The following PDE6A variants were observed in gnomAD, a reference collection of about 807,000 sequenced individuals.
PDE6A encodes phosphodiesterase 6A.
Under a neutral mutation model 106.3 loss-of-function variants are expected in PDE6A, and 84 were observed. That is an observed-to-expected ratio of 0.79 (90% confidence interval 0.66 to 0.95). PDE6A has a LOEUF of 0.95. Among genes scored for constraint, PDE6A ranks in the 40% least tolerant of loss-of-function variants. PDE6A has a pLI of 0.00. For missense variants in PDE6A, 1,052 were observed against 1,084.9 expected, an observed-to-expected ratio of 0.97 and a Z score of 0.43; for synonymous variants, 394 against 386.6, an observed-to-expected ratio of 1.02 and a Z score of -0.23.
At chr5:149,899,255 G>A in intron 9 of PDE6A, 120 bp downstream of exon 9, 2 of 916,952 alleles carry the variant, frequency 2.2e-6, no homozygotes, top group Non-Finnish European at 3.6e-6. Context: ...TGGTTGATGA[G>A]GCAGAGTCAG....
intron 17 of PDE6A, among the ~76,000 whole-genome samples, chr5:149,873,578 C>A (rs566297581): frequency 6.6e-6 from 1 of 152,102 alleles, no homozygotes; most frequent in African/African-American, 2.4e-5. Flanking sequence ...GTGATCCGCC[C>A]GCCTTGGCCT....
rs2113628643 is a variant in PDE6A, at chr5:149,915,005, T to A, written c.936A>T (p.Glu312Asp). The A allele has an allele frequency of 6.3e-7, 1 of 1,585,052 alleles. No homozygotes were observed. Among genetic ancestry groups the A allele is most frequent in the Non-Finnish European group, 8.7e-7 (1 of 1,155,302 alleles). The stretch of plus-strand genomic sequence containing the variant: ...AGTCAATGACCTTGTAAAAGTTAAT[T>A]TCCTGGCAAAAGAGAGAAAAATTAT... ...YSGPRTPDGR[E>D]INFYKVIDYI... Residue 312 changes from glutamate to aspartate, a missense_variant and splice_region_variant, in exon 6 of 22, where the codon GAA becomes GAT. Coordinates refer to ENST00000255266, the MANE Select transcript of PDE6A (RefSeq NM_000440.3).
intron 1 of PDE6A, 39 bp downstream of exon 1, chr5:149,944,161 T>C: frequency 3.3e-6 from 5 of 1,536,128 alleles, no homozygotes; most frequent in Non-Finnish European, 4.5e-6. Flanking sequence ...CTCCATGTAA[T>C]AATGCCCCAT....
intron 17 of PDE6A, among the ~76,000 whole-genome samples, chr5:149,873,332 C>CTTTT (rs527562371): frequency 1.5e-5 from 2 of 137,298 alleles, no homozygotes; most frequent in South Asian, 2.4e-4. Flanking sequence ...ATGAGATACT[C>CTTTT]TTTTTTTTTT....
intron 7 of PDE6A, 95 bp downstream of exon 7, chr5:149,907,217 C>A (rs1753225446): frequency 1.0e-6 from 1 of 956,924 alleles, no homozygotes; most frequent in Admixed American, 1.7e-5. Flanking sequence ...TCCACACTTG[C>A]CATCATCTTT....
chr5:149,875,564 G>A (rs992498485), intron 17 of PDE6A, among the ~76,000 whole-genome samples: 2 of 149,210 alleles, frequency 1.3e-5, no homozygotes, highest in African/African-American at 2.5e-5. Flanking sequence ...GTCAGGGCTC[G>A]CTGCAGCCTC....
At chr5:149,884,713 G>C in intron 15 of PDE6A, 67 bp downstream of exon 15, 1 of 1,512,424 alleles carries the variant, frequency 6.6e-7, no homozygotes, top group Non-Finnish European at 9.2e-7. Context: ...GGCACACTCA[G>C]GCTCCTTGTG....
rs776191075 is a variant in PDE6A at position 149,915,043 on chromosome 5, T to A, written c.934-36A>T. The A allele has an allele frequency of 2.1e-6, 3 of 1,420,618 alleles. No homozygotes were observed. The Admixed American group carries it at 5.2e-5, about 25-fold the overall frequency. 88.0% of individuals were successfully genotyped at this position (1,420,618 alleles called of 1,614,324 possible). ...AGAGAAAAATTATACTTTTTTTTTT[T>A]TTTTTTTTTTTGAGACAGTTTCACT... On this transcript the variant is annotated intron_variant, in intron 5 of 21. Coordinates refer to ENST00000255266, the MANE Select transcript of PDE6A (RefSeq NM_000440.3).
intron 4 of PDE6A, among the ~76,000 whole-genome samples, chr5:149,928,821 T>G (rs151190368): frequency 6.6e-6 from 1 of 152,316 alleles, no homozygotes; most frequent in East Asian, 1.9e-4. Context: ...AATGTGATTT[T>G]TTTAAATGGA....
At chr5:149,882,468 G>A (rs1760964920) in intron 17 of PDE6A, among the ~76,000 whole-genome samples, 1 of 152,044 alleles carries the variant, frequency 6.6e-6, no homozygotes, top group South Asian at 2.1e-4. Context: ...AGAGGAGCCA[G>A]GGGACCATTT....
chr5:149,931,430 T>C (rs1461196261), intron 3 of PDE6A, among the ~76,000 whole-genome samples: 1 of 152,196 alleles, frequency 6.6e-6, no homozygotes, highest in Non-Finnish European at 1.5e-5. Context: ...TTAAAAATTG[T>C]TCACACATGA....
chr5:149,897,865 G>A (rs1752815945), intron 10 of PDE6A, among the ~76,000 whole-genome samples: 1 of 152,146 alleles, frequency 6.6e-6, no homozygotes, highest in Admixed American at 6.5e-5. Flanking sequence ...GAGATTATAG[G>A]TGTAAGCCAC....
intron 8 of PDE6A, 47 bp downstream of exon 8, chr5:149,903,601 A>AG (rs1465094316): frequency 6.9e-7 from 1 of 1,450,264 alleles, no homozygotes; most frequent in Non-Finnish European, 9.7e-7. Flanking sequence ...CTCTTTGGGG[A>AG]GGAAAAAAAA....
chr5:149,926,177 G>T (rs1193763583), intron 4 of PDE6A, among the ~76,000 whole-genome samples: 2 of 152,110 alleles, frequency 1.3e-5, no homozygotes, highest in East Asian at 1.9e-4. Flanking sequence ...GGGAGTTGGA[G>T]GTTGCAGTGA....
chr5:149,939,064 G>C (rs1340830875), intron 1 of PDE6A, among the ~76,000 whole-genome samples: 2 of 152,088 alleles, frequency 1.3e-5, no homozygotes, highest in African/African-American at 2.4e-5. Flanking sequence ...CTGCCACTGG[G>C]GCCCAAGGTT....
intron 6 of PDE6A, among the ~76,000 whole-genome samples, chr5:149,909,427 T>C (rs1234877292): frequency 6.6e-6 from 1 of 152,254 alleles, no homozygotes; most frequent in East Asian, 1.9e-4. Context: ...GATGGTTTGC[T>C]CTACGAGACT....
At chr5:149,938,185 C>G (rs1019561145) in intron 1 of PDE6A, among the ~76,000 whole-genome samples, 44 of 152,292 alleles carry the variant, frequency 2.9e-4, no homozygotes, top group African/African-American at 1.0e-3. Context: ...TCAAGGGCCA[C>G]TCAGTACATT....
At chr5:149,939,355 C>T (rs1044567752) in intron 1 of PDE6A, among the ~76,000 whole-genome samples, 4 of 152,144 alleles carry the variant, frequency 2.6e-5, no homozygotes, top group Non-Finnish European at 5.9e-5. Flanking sequence ...ACCCTGAATC[C>T]TCAATCCCTT....
Position 149,884,508 on chromosome 5 carries a change from G to T in PDE6A, c.1998C>A (p.Ile666=). 6.2e-7 allele frequency: 1 copy of T among 1,613,434 alleles called. No homozygotes were observed. The highest frequency in any genetic ancestry group is 1.3e-5 in the African/African-American group (1 of 74,984). The part of the protein sequence containing the change: ...EHAIHMMDIA[I]IATDLALYFK... The stretch of plus-strand genomic sequence containing the variant: ...AATACAGGGCGAGGTCTGTGGCAAT[G>T]ATTGCAATGTCCATCATGTGGATGG... The change falls in exon 16 of 22, where the codon ATC becomes ATA. Residue 666 remains isoleucine, a synonymous_variant. Transcript: ENST00000255266.
Sources: allele counts gnomAD v4.1 joint callset (sites outside exome capture counted in the v4.1 genomes callset), GRCh38; gene constraint gnomAD v4.1.1; transcripts MANE v1.5; gene names NCBI Gene and HGNC (gene_info 2026-07-23, HGNC 2026-07-21).